C10orf90: variants seen among roughly 807,000 people sequenced by gnomAD.
The protein encoded by C10orf90 is (E2-independent) E3 ubiquitin-conjugating enzyme FATS.
Under a neutral mutation model 62.5 loss-of-function variants are expected in C10orf90, and 56 were observed. The ratio of observed to expected loss-of-function variants is 0.90; its 90% CI spans 0.72 to 1.12. C10orf90 has a LOEUF of 1.12. Among genes scored for constraint, C10orf90 ranks in the 50% most tolerant of loss-of-function variants. The pLI, the probability that C10orf90 is intolerant of heterozygous loss-of-function variation, is 0.00. For synonymous variants in C10orf90, 386 were observed against 340.4 expected (o/e 1.13, Z -1.47); for missense variants, 970 against 880.4 (o/e 1.10, Z -1.29).
intron 3 of C10orf90, among the ~76,000 whole-genome samples, chr10:126,507,926 C>G (rs1862854558): frequency 6.6e-6 from 1 of 151,976 alleles, no homozygotes; most frequent in Non-Finnish European, 1.5e-5. Context: ...TCACTTGGTA[C>G]ACATTCCCTC....
At chr10:126,654,874 A>G (rs1846361393) in intron 1 of C10orf90, among the ~76,000 whole-genome samples, 1 of 152,196 alleles carries the variant, frequency 6.6e-6, no homozygotes, top group Non-Finnish European at 1.5e-5. Context: ...AGGCTTATTA[A>G]TTAGCCTAAT....
intron 2 of C10orf90, among the ~76,000 whole-genome samples, chr10:126,583,993 G>T (rs77264834): frequency 6.6e-6 from 1 of 152,036 alleles, no homozygotes; most frequent in African/African-American, 2.4e-5. Flanking sequence ...GGTGACTCAT[G>T]CCTGTAGTCC....
chr10:126,652,937 A>G lies in C10orf90; in HGVS notation c.241-6300T>C, dbSNP rs114029162. On this transcript the variant is annotated intron_variant, in intron 1 of 9. Transcript: ENST00000488181. The stretch of plus-strand genomic sequence containing the variant: ...CACAATAAAGCAGATTATCACAATA[A>G]AGCAAACCACATGAATTTTTTGGCT... Among the ~76,000 whole-genome samples the G allele has an allele frequency of 2.8e-3, 429 of 152,304 alleles. 2 individuals are homozygous for G. Among genetic ancestry groups the G allele is most frequent in the African/African-American group, 9.9e-3 (411 of 41,562 alleles).
chr10:126,498,817 T>C (rs148048842), intron 4 of C10orf90, among the ~76,000 whole-genome samples: 1 of 152,278 alleles, frequency 6.6e-6, no homozygotes, highest in Non-Finnish European at 1.5e-5. Context: ...GATTCAGAGT[T>C]CCCTGAGTGG....
chr10:126,451,944 T>C (rs1859229789), intron 7 of C10orf90, among the ~76,000 whole-genome samples: 1 of 152,126 alleles, frequency 6.6e-6, no homozygotes, highest in African/African-American at 2.4e-5. Context: ...ATCCAGGAGA[T>C]GCTGGTCAAA....
chr10:126,505,328 G>A (rs2133890509), intron 3 of C10orf90, among the ~76,000 whole-genome samples: 1 of 152,276 alleles, frequency 6.6e-6, no homozygotes, highest in Non-Finnish European at 1.5e-5. Context: ...TTTCTCTGCT[G>A]GGCATCTATT....
In C10orf90 at chr10:126,453,478, G is replaced by A. The variant is rs1207947969; in HGVS notation, c.2188+5562C>T. Among the ~76,000 whole-genome samples, 1 of 148,350 alleles carries A rather than the reference G, an allele frequency of 6.7e-6. No homozygotes were observed. The highest frequency in any genetic ancestry group is 1.5e-5 in the Non-Finnish European group (1 of 66,130). ...AGAAAGAAGGATGGGAATCAGGACG[G>A]CTTTGTAGAAGAAGGGGATGTTCCT... On this transcript the variant is annotated intron_variant, in intron 7 of 9. Coordinates refer to ENST00000488181, the MANE Select transcript of C10orf90 (RefSeq NM_001350921.2). The surrounding 1 kb of genome is among the most constrained non-coding windows in gnomAD (Gnocchi z 4.9).
rs142724739 is a variant in C10orf90 at position 126,508,864 on chromosome 10, T to C, written c.406-3779A>G. Among the ~76,000 whole-genome samples, 259 of 152,270 alleles carry C rather than the reference T, an allele frequency of 1.7e-3. 2 individuals are homozygous for C. The highest frequency in any genetic ancestry group is 0.016 in the South Asian group (76 of 4,822). On this transcript the variant is annotated intron_variant, in intron 3 of 9. Transcript: ENST00000488181. ...TTAGGACACCATGACACCCATGAGA[T>C]TGGCATCAACGAGGGGTGTGTTGCT...
At chr10:126,546,114 A>C (rs910183951) in intron 2 of C10orf90, among the ~76,000 whole-genome samples, 1 of 152,184 alleles carries the variant, frequency 6.6e-6, no homozygotes, top group African/African-American at 2.4e-5. Flanking sequence ...AAAAAACCCC[A>C]GGCAAAGCCT....
intron 2 of C10orf90, among the ~76,000 whole-genome samples, chr10:126,569,002 G>T (rs1271230232): frequency 1.3e-5 from 2 of 152,176 alleles, no homozygotes; most frequent in African/African-American, 4.8e-5. Flanking sequence ...CCTGCTGGGG[G>T]CAGGGCTGGG....
rs759428907 is a variant in C10orf90 at position 126,504,929 on chromosome 10, G to C, written c.562C>G (p.Arg188Gly). ...GCTCTGTGAATGTTGACTCCGCTGC[G>C]GTTAGCCAGAGATTGCTTGGCGTGA... ...AHHAKQSLAN[R>G]SGVNIHRAFA... Residue 188 changes from arginine to glycine, a missense_variant, in exon 4 of 10, where the codon CGC becomes GGC. Physicochemically the swap from Arg to Gly is moderately radical, Grantham distance 125 (BLOSUM62 -2). Transcript: ENST00000488181. This position sits in a 1 kb window ranked among gnomAD's most constrained non-coding sequence, Gnocchi z 4.1. The C allele has an allele frequency of 1.9e-6, 3 of 1,614,096 alleles. No homozygotes were observed. The highest frequency in any genetic ancestry group is 2.2e-5 in the East Asian group (1 of 44,882).
At chr10:126,607,067 G>GATC (rs1845328168) in intron 2 of C10orf90, among the ~76,000 whole-genome samples, 1 of 152,146 alleles carries the variant, frequency 6.6e-6, no homozygotes, top group African/African-American at 2.4e-5. Flanking sequence ...GTTACCATTT[G>GATC]CACAGATGGG....
intron 4 of C10orf90, among the ~76,000 whole-genome samples, chr10:126,503,630 C>A (rs942649259): frequency 3.3e-5 from 5 of 152,154 alleles, no homozygotes; most frequent in Admixed American, 3.3e-4. Flanking sequence ...ATTCTTCTCA[C>A]CCTCTTTTGG....
chr10:126,639,745 A>T (rs1392055467), intron 2 of C10orf90, among the ~76,000 whole-genome samples: 1 of 152,234 alleles, frequency 6.6e-6, no homozygotes, highest in Non-Finnish European at 1.5e-5. Flanking sequence ...AGCTATATAG[A>T]CTGCGAAATC....
At chr10:126,621,206 G>A (rs1012069690) in intron 2 of C10orf90, among the ~76,000 whole-genome samples, 1 of 152,110 alleles carries the variant, frequency 6.6e-6, no homozygotes, top group Non-Finnish European at 1.5e-5. Context: ...ATAACCACTG[G>A]AAATATTCAG....
chr10:126,572,938 C>G (rs183747496), intron 2 of C10orf90, among the ~76,000 whole-genome samples: 5 of 152,170 alleles, frequency 3.3e-5, no homozygotes, highest in Non-Finnish European at 2.9e-5. Flanking sequence ...AAGAAATAAC[C>G]ATAAAAACAG....
intron 7 of C10orf90, among the ~76,000 whole-genome samples, chr10:126,443,515 C>T (rs57768559): frequency 0.035 from 5,355 of 151,364 alleles, 335 homozygotes; most frequent in African/African-American, 0.12. Context: ...AAGATTGAAA[C>T]GGTAATTTAA....
In C10orf90 at chr10:126,612,462, C is replaced by T. The variant is rs138675115; in HGVS notation, c.313+34103G>A. On this transcript the variant is annotated intron_variant, in intron 2 of 9. Transcript: ENST00000488181. ...AGGAGGAAAGATAAAAGGCCCTACA[C>T]GTGGCCACCCTGTGAGAGACGCTAA... 1.6e-4 allele frequency among the ~76,000 whole-genome samples: 25 copies of T among 152,296 alleles called. No homozygotes were observed. In the East Asian group the frequency reaches 3.7e-3, roughly 22 times the overall value.
chr10:126,526,036 ACAC>A (rs1863932878), intron 2 of C10orf90, among the ~76,000 whole-genome samples: 1 of 150,978 alleles, frequency 6.6e-6, no homozygotes, highest in Non-Finnish European at 1.5e-5. Context: ...ACACACACAC[ACAC>A]ACACACACAC....
Sources: gnomAD v4.1 joint callset for allele counts (sites outside exome capture counted in the v4.1 genomes callset) on GRCh38, gnomAD v4.1.1 for gene constraint, Gnocchi (gnomAD v3.1) non-coding constraint, MANE v1.5 for transcripts, NCBI Gene and HGNC (gene_info 2026-07-23, HGNC 2026-07-21) for gene names.